MPP7: variants seen among roughly 807,000 people sequenced by gnomAD.
MPP7 encodes the protein MAGUK p55 subfamily member 7.
A neutral mutation model predicts 76.5 loss-of-function variants in MPP7; 60 were observed. That is an observed-to-expected ratio of 0.78 (90% CI 0.64 to 0.97). MPP7 has a LOEUF of 0.97. MPP7 is among the 50% of genes least tolerant of loss of function. The pLI is 0.00. For synonymous variants in MPP7, 237 were observed against 244.5 expected, an observed-to-expected ratio of 0.97 and a Z score of 0.29; for missense variants, 641 against 694.0, an observed-to-expected ratio of 0.92 and a Z score of 0.86.
chr10:28,217,537 A>AAAAAAG (rs1554852920), intron 2 of MPP7, among the ~76,000 whole-genome samples: 163 of 138,146 alleles, frequency 1.2e-3, no homozygotes, highest in South Asian at 1.6e-3. Flanking sequence ...AAAAAAAAAA[A>AAAAAAG]AAAAGAAAAG....
At chr10:28,258,195 G>A (rs79695718) in intron 1 of MPP7, among the ~76,000 whole-genome samples, 1,734 of 148,310 alleles carry the variant, frequency 0.012, 35 homozygotes, top group African/African-American at 0.041. Context: ...CTTCCACTTC[G>A]TCACACTCCT....
At chr10:28,296,403 G>A (rs956109359) in intron 1 of MPP7, among the ~76,000 whole-genome samples, 2 of 152,144 alleles carry the variant, frequency 1.3e-5, no homozygotes, top group African/African-American at 4.8e-5. Flanking sequence ...TGCAACTGAA[G>A]TGAACACACA....
intron 1 of MPP7, among the ~76,000 whole-genome samples, chr10:28,270,532 A>AAAAG (rs1304530937): frequency 6.4e-5 from 1 of 15,514 alleles, no homozygotes; most frequent in Non-Finnish European, 1.2e-4. Context: ...AAAAAAAAAA[A>AAAAG]GGGGGGGGGG....
intron 2 of MPP7, among the ~76,000 whole-genome samples, chr10:28,317,447 C>T (rs1233861863): frequency 2.0e-5 from 3 of 152,174 alleles, no homozygotes; most frequent in Non-Finnish European, 2.9e-5. Context: ...AGGAGGATTA[C>T]TTGAGCTCAA....
chr10:28,269,169 T>G (rs192693417), intron 1 of MPP7, among the ~76,000 whole-genome samples: 1 of 152,204 alleles, frequency 6.6e-6, no homozygotes, highest in Non-Finnish European at 1.5e-5. Flanking sequence ...ATCTGATTGA[T>G]GCAGGACCTT....
intron 12 of MPP7, among the ~76,000 whole-genome samples, chr10:28,075,133 A>G (rs1382733301): frequency 6.6e-6 from 1 of 152,036 alleles, no homozygotes; most frequent in Non-Finnish European, 1.5e-5. Flanking sequence ...ACACACATTT[A>G]AACAAACAGA....
intron 2 of MPP7, among the ~76,000 whole-genome samples, chr10:28,326,152 C>T (rs1027594811): frequency 6.6e-5 from 10 of 152,112 alleles, no homozygotes; most frequent in African/African-American, 1.7e-4. Flanking sequence ...TTGGGGTAGA[C>T]GTGATAATGC....
chr10:28,217,012 C>A (rs960462551), intron 2 of MPP7, among the ~76,000 whole-genome samples: 1 of 151,920 alleles, frequency 6.6e-6, no homozygotes, highest in Non-Finnish European at 1.5e-5. Flanking sequence ...ATTCTCCCAG[C>A]AATTTTTCTA....
In MPP7 at chr10:28,069,843, C is replaced by A. The variant is rs749963733; in HGVS notation, c.1133G>T (p.Gly378Val). The A allele has an allele frequency of 1.9e-5, 30 of 1,613,490 alleles. No individual in the cohort carries two copies. Among genetic ancestry groups the A allele is most frequent in the Non-Finnish European group, 2.4e-5 (28 of 1,179,772 alleles). ...YRLVVLVGPVGVGLNELKRKL... is the reference protein window; with the variant it reads ...YRLVVLVGPVVVGLNELKRKL... ...TCGTTTCAGTTCATTCAGCCCTACTCCCACGGGACCTGAAAAACAGGGTAA... is the reference window on the plus strand; with the variant it reads ...TCGTTTCAGTTCATTCAGCCCTACTACCACGGGACCTGAAAAACAGGGTAA... The change falls in exon 13 of 17, where the codon GGA becomes GTA. Residue 378 changes from glycine to valine, a missense_variant. By Grantham distance (109) the Gly-to-Val change is moderately radical. Transcript: ENST00000683449.
intron 1 of MPP7, among the ~76,000 whole-genome samples, chr10:28,290,286 CT>C (rs57836658): frequency 0.15 from 20,055 of 131,796 alleles, 1,566 homozygotes; most frequent in African/African-American, 0.21. Flanking sequence ...TTTTACTTTC[CT>C]TTTTTTTTTT....
Position 28,053,846 on chromosome 10 carries a change from T to A in MPP7, c.*219A>T. 1 of 536,052 alleles carries A rather than the reference T, an allele frequency of 1.9e-6. No homozygotes were observed. Among genetic ancestry groups the A allele is most frequent in the Non-Finnish European group, 3.2e-6 (1 of 308,248 alleles). 33.2% of individuals were successfully genotyped at this position (536,052 alleles called of 1,614,324 possible). A position where few individuals can be genotyped will look rare whatever the true frequency, so the allele number is the denominator to read the frequency against. On this transcript the variant is annotated 3_prime_UTR_variant, in exon 17 of 17. Transcript: ENST00000683449. ...ACAACGAGAAGGTTTGAGGTTTTGCTTAGAATACAGTACTGTGCATATTTT... is the reference window on the plus strand; with the variant it reads ...ACAACGAGAAGGTTTGAGGTTTTGCATAGAATACAGTACTGTGCATATTTT...
chr10:28,311,069 T>C (rs1329604060), intron 2 of MPP7, among the ~76,000 whole-genome samples: 2 of 152,218 alleles, frequency 1.3e-5, no homozygotes, highest in African/African-American at 4.8e-5. Flanking sequence ...AGCAAGAATC[T>C]AGTGAAGATT....
intron 5 of MPP7, among the ~76,000 whole-genome samples, chr10:28,138,046 G>A (rs1835401706): frequency 6.6e-6 from 1 of 152,192 alleles, no homozygotes; most frequent in African/African-American, 2.4e-5. Flanking sequence ...TGCTCAGGCA[G>A]TGAGTAATTT....
intron 1 of MPP7, among the ~76,000 whole-genome samples, chr10:28,274,961 T>G (rs1335238962): frequency 6.6e-6 from 1 of 152,236 alleles, no homozygotes; most frequent in Non-Finnish European, 1.5e-5. Context: ...CCTTTGTATC[T>G]GCCCAGAGCT....
intron 12 of MPP7, among the ~76,000 whole-genome samples, chr10:28,080,108 G>T (rs1194639976): frequency 6.7e-6 from 1 of 148,402 alleles, no homozygotes. Context: ...GGAAAGGAAA[G>T]GAAAGAAAAA....
rs553673369 is a variant in MPP7 at position 28,118,142 on chromosome 10, G to T, written c.952+1509C>A. On this transcript the variant is annotated intron_variant, in intron 11 of 16. Transcript: ENST00000683449. ...AATCATGCAAATCAACATACAAAAG[G>T]ACTCCGTTACAATTAATACTTCTAC... 162 of 983,440 alleles carry T rather than the reference G, an allele frequency of 1.6e-4. 1 individual carries two copies. The South Asian group carries it at 3.8e-3, about 23-fold the overall frequency. The allele number at this position is 983,440 out of a possible 1,614,324, so 60.9% of individuals were successfully genotyped here.
At chr10:28,164,576 T>C (rs961648306) in intron 3 of MPP7, among the ~76,000 whole-genome samples, 1 of 152,068 alleles carries the variant, frequency 6.6e-6, no homozygotes, top group Non-Finnish European at 1.5e-5. Context: ...ACATGGACAG[T>C]GTGGAATAAT....
chr10:28,150,778 A>T (rs1588852626), intron 3 of MPP7, among the ~76,000 whole-genome samples: 1 of 152,102 alleles, frequency 6.6e-6, no homozygotes, highest in Non-Finnish European at 1.5e-5. Context: ...TTAGCCCTTC[A>T]TTTCCCATTA....
At chr10:28,078,988 A>T (rs1365412539) in intron 12 of MPP7, among the ~76,000 whole-genome samples, 1 of 152,228 alleles carries the variant, frequency 6.6e-6, no homozygotes, top group African/African-American at 2.4e-5. Context: ...AAGGTTAAAA[A>T]TCTATAGCAA....
Sources: gnomAD v4.1 joint callset for allele counts (sites outside exome capture counted in the v4.1 genomes callset) on GRCh38, gnomAD v4.1.1 for gene constraint, MANE v1.5 for transcripts, NCBI Gene and HGNC (gene_info 2026-07-23, HGNC 2026-07-21) for gene names.